The following ZNF160 variants were observed in gnomAD, a reference collection of about 807,000 sequenced individuals.
ZNF160 encodes KRAB zinc finger protein KR18.
ZNF160 carries 9 observed loss-of-function variants against 13.1 expected under a neutral mutation model. The ratio of observed to expected loss-of-function variants is 0.69; its 90% CI spans 0.41 to 1.20. The LOEUF is 1.20. Ranked by LOEUF, ZNF160 falls within the 50% of genes most tolerant of loss-of-function variation. The probability of loss-of-function intolerance (pLI) is 0.01; values close to 1 mark genes in which losing one functional copy is unlikely to be tolerated. For missense variants in ZNF160, 838 were observed against 988.0 expected (o/e 0.85, Z 2.04); for synonymous variants, 293 against 333.2 (o/e 0.88, Z 1.31).
intron 2 of ZNF160, among the ~76,000 whole-genome samples, chr19:53,086,998 G>T (rs550712938): frequency 1.3e-5 from 2 of 152,334 alleles, no homozygotes; most frequent in African/African-American, 4.8e-5. Flanking sequence ...GACCAGAGGT[G>T]GGGGTGAAGG....
chr19:53,085,936 A>C, intron 3 of ZNF160: 1 of 1,057,076 alleles, frequency 9.5e-7, no homozygotes, highest in Non-Finnish European at 1.4e-6. Context: ...TGGTTTACAC[A>C]GCGCTGACAG....
chr19:53,087,514 TGTTTGGAGGA>T (rs1008784103), intron 2 of ZNF160, among the ~76,000 whole-genome samples: 1 of 152,068 alleles, frequency 6.6e-6, no homozygotes, highest in African/African-American at 2.4e-5. Context: ...GGGGTGAATA[TGTTTGGAGGA>T]GTTTGGGAAG....
intron 3 of ZNF160, among the ~76,000 whole-genome samples, chr19:53,081,189 T>TATGCAGCAAAATAA (rs2084617539): frequency 1.3e-5 from 2 of 152,166 alleles, no homozygotes; most frequent in South Asian, 2.1e-4. Flanking sequence ...CCTCATAATA[T>TATGCAGCAAAATAA]ATGCAGCAAA....
chr19:53,073,381 T>A, intron 5 of ZNF160: 1 of 1,598,294 alleles, frequency 6.3e-7, no homozygotes, highest in Non-Finnish European at 8.5e-7. Flanking sequence ...CCCATGAAAG[T>A]GGCAAAAGCA....
rs1331557825 is a variant in ZNF160, at chr19:53,075,173, G to A, written c.26C>T (p.Thr9Ile). Residue 9 changes from threonine (T) to isoleucine (I), a missense_variant, in exon 4 of 6, where the codon ACA becomes ATA. Physicochemically the swap from Thr to Ile is moderately conservative, Grantham distance 89 (BLOSUM62 -1). Transcript: ENST00000683776. ...GAATTCTATGGCCACATCCCTAAAT[G>A]TCAACCGTACCTAAAATGAAAAACA... is the stretch of plus-strand genomic sequence containing the variant. MALTQVRL[T>I]FRDVAIEFSQ... 6 of 1,613,904 alleles carry A rather than the reference G, an allele frequency of 3.7e-6. No homozygotes were observed. The highest frequency in any genetic ancestry group is 5.1e-6 in the Non-Finnish European group (6 of 1,179,980).
In ZNF160 at chr19:53,069,590, C is replaced by T; in HGVS notation, c.944G>A (p.Cys315Tyr). 1 of 1,614,136 alleles carries T rather than the reference C, an allele frequency of 6.2e-7. No individual in the cohort carries two copies. The highest frequency in any genetic ancestry group is 1.7e-5 in the Admixed American group (1 of 60,012). Residue 315 changes from cysteine to tyrosine, a missense_variant, in exon 6 of 6, where the codon TGT (cysteine) becomes TAT (tyrosine). By Grantham distance (194) the Cys-to-Tyr change is radical (BLOSUM62 -2). Coordinates refer to ENST00000683776, the MANE Select transcript of ZNF160 (RefSeq NM_001322131.2). The surrounding 1 kb of genome is among the most constrained non-coding windows in gnomAD (Gnocchi z 4.4). ...VIHTGEKPYKCHECGKVFRHN... is the reference protein window; with the variant it reads ...VIHTGEKPYKYHECGKVFRHN... ...CCTGAAGACCTTGCCACACTCATGA[C>T]ATTTGTAAGGTTTTTCTCCAGTATG... is the stretch of plus-strand genomic sequence containing the variant.
At chr19:53,094,080 C>G (rs1483248744) in intron 1 of ZNF160, among the ~76,000 whole-genome samples, 1 of 152,128 alleles carries the variant, frequency 6.6e-6, no homozygotes, top group South Asian at 2.1e-4. Context: ...AAAATGCATC[C>G]GAAAGCTTCT....
intron 1 of ZNF160, among the ~76,000 whole-genome samples, chr19:53,099,138 G>C (rs141976628): frequency 7.5e-4 from 111 of 147,436 alleles, no homozygotes; most frequent in African/African-American, 2.8e-3. Flanking sequence ...AAGAGTGTCC[G>C]ATGTGGTGAT....
At chr19:53,083,307 C>T (rs1438346302) in intron 3 of ZNF160, among the ~76,000 whole-genome samples, 2 of 152,138 alleles carry the variant, frequency 1.3e-5, no homozygotes, top group African/African-American at 4.8e-5. Context: ...GCAACTCAGG[C>T]CCCATCCTGA....
intron 5 of ZNF160, chr19:53,072,932 A>G: frequency 1.3e-6 from 1 of 777,890 alleles, no homozygotes. Context: ...CCAACACAAT[A>G]AGAACTGGAA....
At chr19:53,102,682 T>A (rs567183356) in intron 1 of ZNF160, among the ~76,000 whole-genome samples, 1 of 152,362 alleles carries the variant, frequency 6.6e-6, no homozygotes, top group East Asian at 1.9e-4. Flanking sequence ...CTCCTCTCAG[T>A]GGCTCTTTGT....
At chr19:53,085,937 G>C in intron 3 of ZNF160, 1 of 1,067,980 alleles carries the variant, frequency 9.4e-7, no homozygotes, top group Admixed American at 2.0e-5. Context: ...GGTTTACACA[G>C]CGCTGACAGT....
chr19:53,089,913 C>T (rs1190378595), intron 2 of ZNF160, among the ~76,000 whole-genome samples: 1 of 151,914 alleles, frequency 6.6e-6, no homozygotes, highest in Non-Finnish European at 1.5e-5. Flanking sequence ...CATTCCTTCT[C>T]TTCCCCCTGT....
chr19:53,097,922 C>T (rs1568508547), intron 1 of ZNF160, among the ~76,000 whole-genome samples: 1 of 152,204 alleles, frequency 6.6e-6, no homozygotes. Context: ...CGCCCATCCT[C>T]CTGCTGCTGA....
At chr19:53,089,792 T>C (rs2084966575) in intron 2 of ZNF160, among the ~76,000 whole-genome samples, 1 of 151,746 alleles carries the variant, frequency 6.6e-6, no homozygotes, top group African/African-American at 2.4e-5. Flanking sequence ...TCTGTACATA[T>C]CTCATCCTCA....
At chr19:53,099,864 G>C (rs1481025735) in intron 1 of ZNF160, among the ~76,000 whole-genome samples, 1 of 152,152 alleles carries the variant, frequency 6.6e-6, no homozygotes, top group Non-Finnish European at 1.5e-5. Flanking sequence ...AGTCATCCAA[G>C]TTGAATTAGA....
chr19:53,068,154 A>C lies in ZNF160; in HGVS notation c.2380T>G (p.Cys794Gly), dbSNP rs1366113090. ...TGEKRYKCNE[C>G]GKVFRQSSNL... is the part of the protein sequence containing the mutation. ...GAACTCTGCCTGAAGACCTTGCCAC[A>C]CTCATTACATTTGTAACGCTTTTCT... Residue 794 changes from cysteine to glycine, a missense_variant, in exon 6 of 6, where the codon TGT (cysteine) becomes GGT (glycine). Transcript: ENST00000683776. 1 of 1,614,048 alleles carries C rather than the reference A, an allele frequency of 6.2e-7. No homozygotes were observed. Among genetic ancestry groups the C allele is most frequent in the Admixed American group, 1.7e-5 (1 of 60,006 alleles).
At chr19:53,080,235 G>A (rs1169981148) in intron 3 of ZNF160, among the ~76,000 whole-genome samples, 1 of 152,000 alleles carries the variant, frequency 6.6e-6, no homozygotes, top group Non-Finnish European at 1.5e-5. Context: ...AAGTAGCTGG[G>A]ATTACAGGCA....
chr19:53,094,871 G>A (rs1210946191), intron 1 of ZNF160, among the ~76,000 whole-genome samples: 3 of 152,138 alleles, frequency 2.0e-5, no homozygotes, highest in Non-Finnish European at 4.4e-5. Context: ...AGCAGAAAAT[G>A]ACCTGGGGCC....
Sources: allele counts gnomAD v4.1 joint callset (sites outside exome capture counted in the v4.1 genomes callset), GRCh38; gene constraint gnomAD v4.1.1; non-coding constraint Gnocchi (gnomAD v3.1); transcripts MANE v1.5; gene names NCBI Gene and HGNC (gene_info 2026-07-23, HGNC 2026-07-21).